NTRK2: variants seen among roughly 807,000 people sequenced by gnomAD.
The protein encoded by NTRK2 is BDNF/NT-3 growth factors receptor.
A neutral mutation model predicts 94.5 loss-of-function variants in NTRK2; 13 were observed. The ratio of observed to expected loss-of-function variants is 0.14; its 90% confidence interval spans 0.09 to 0.22. The LOEUF (loss-of-function observed/expected upper bound fraction) is 0.22, where lower values mean the gene tolerates loss of function less well. Ranked by LOEUF, NTRK2 falls within the 10% of genes least tolerant of loss-of-function variation. The probability of loss-of-function intolerance (pLI) is 1.00; values close to 1 mark genes in which losing one functional copy is unlikely to be tolerated. For missense variants in NTRK2, 639 were observed against 1,071.2 expected (o/e 0.60, Z 5.63); for synonymous variants, 372 against 407.4 (o/e 0.91, Z 1.05).
rs572641941 is a variant in NTRK2, at chr9:85,024,483, G to T, written c.*3046G>T. The T allele has an allele frequency of 2.1e-5, 5 of 232,782 alleles. No individual in the cohort carries two copies. Among genetic ancestry groups the T allele is most frequent in the Non-Finnish European group, 4.2e-5 (5 of 117,850 alleles). 14.4% of individuals were successfully genotyped at this position (232,782 alleles called of 1,614,324 possible). On this transcript the variant is annotated 3_prime_UTR_variant, in exon 19 of 19. Coordinates refer to ENST00000277120, the MANE Select transcript of NTRK2 (RefSeq NM_006180.6). ...TGTGTTAGCAAATTATTCCTATTTT[G>T]TGTAGATGAGGACGTTGAGACTCAG... is the stretch of plus-strand genomic sequence containing the variant.
intron 12 of NTRK2, among the ~76,000 whole-genome samples, chr9:84,778,400 T>C (rs1237000883): frequency 1.3e-5 from 2 of 152,232 alleles, no homozygotes; most frequent in African/African-American, 4.8e-5. Context: ...TGATTGTCAC[T>C]GATATTTTTA....
intron 6 of NTRK2, among the ~76,000 whole-genome samples, chr9:84,717,814 TTGAAA>T (rs2061797518): frequency 6.6e-6 from 1 of 152,186 alleles, no homozygotes; most frequent in South Asian, 2.1e-4. Flanking sequence ...GTCAAATTGC[TTGAAA>T]TGAAAATAAA....
Position 84,955,340 on chromosome 9 carries a change from G to C in NTRK2, c.1995G>C (p.Thr665=), listed in dbSNP as rs373618229. Residue 665 remains threonine, a synonymous_variant, in exon 17 of 19, where the codon ACG becomes ACC. Transcript: ENST00000277120. ...MAEGNPPTEL[T]QSQMLHIAQQ... ...AGGGCAACCCGCCCACGGAACTGAC[G>C]CAGTCGCAGATGCTGCATATAGCCC... is the stretch of plus-strand genomic sequence containing the variant. The C allele has an allele frequency of 6.2e-7, 1 of 1,612,522 alleles. No homozygotes were observed. The highest frequency in any genetic ancestry group is 8.5e-7 in the Non-Finnish European group (1 of 1,179,276).
At chr9:84,994,082 G>GTAACTAA (rs1829432860) in intron 17 of NTRK2, among the ~76,000 whole-genome samples, 21 of 152,086 alleles carry the variant, frequency 1.4e-4, no homozygotes, top group Admixed American at 1.4e-3. Flanking sequence ...AGCCACTAAA[G>GTAACTAA]GGTTACTTCC....
At chr9:84,923,414 A>C (rs2077633749) in intron 14 of NTRK2, among the ~76,000 whole-genome samples, 1 of 152,186 alleles carries the variant, frequency 6.6e-6, no homozygotes, top group Admixed American at 6.5e-5. Flanking sequence ...TGCCATCATT[A>C]GAGTATGTGC....
chr9:84,917,597 A>C (rs1230080816), intron 14 of NTRK2, among the ~76,000 whole-genome samples: 1 of 152,134 alleles, frequency 6.6e-6, no homozygotes, highest in African/African-American at 2.4e-5. Flanking sequence ...TGGTTGTATA[A>C]TTGCTGTTGA....
At chr9:84,717,568 T>C (rs2061779768) in intron 6 of NTRK2, among the ~76,000 whole-genome samples, 1 of 152,212 alleles carries the variant, frequency 6.6e-6, no homozygotes, top group South Asian at 2.1e-4. Context: ...TGACTAGCTA[T>C]TTAGTCATAA....
intron 4 of NTRK2, among the ~76,000 whole-genome samples, chr9:84,704,636 A>G (rs2060935143): frequency 6.6e-6 from 1 of 152,206 alleles, no homozygotes; most frequent in Non-Finnish European, 1.5e-5. Context: ...CATATCTTAC[A>G]GTTTTCTGAA....
At chr9:84,864,270 C>A (rs116992518) in intron 13 of NTRK2, among the ~76,000 whole-genome samples, 3 of 151,968 alleles carry the variant, frequency 2.0e-5, no homozygotes, top group African/African-American at 2.4e-5. Context: ...ATTGCTGGAT[C>A]TCTGACAGCA....
At chr9:84,882,762 T>C (rs2076300310) in intron 14 of NTRK2, among the ~76,000 whole-genome samples, 1 of 151,590 alleles carries the variant, frequency 6.6e-6, no homozygotes, top group East Asian at 1.9e-4. Flanking sequence ...CTAGAAATAC[T>C]TTCTTTTATT....
At chr9:84,689,171 G>C (rs1339918296) in intron 2 of NTRK2, among the ~76,000 whole-genome samples, 1 of 152,252 alleles carries the variant, frequency 6.6e-6, no homozygotes, top group Non-Finnish European at 1.5e-5. Context: ...TACTCTGTGA[G>C]GTTGGGAGGA....
intron 11 of NTRK2, among the ~76,000 whole-genome samples, chr9:84,748,369 C>T (rs551201357): frequency 6.6e-6 from 1 of 152,354 alleles, no homozygotes; most frequent in Non-Finnish European, 1.5e-5. Context: ...TATTTGTTTA[C>T]AGATCCTTAG....
rs150334314 is a variant in NTRK2, at chr9:84,920,682, G to T, written c.1634-13480G>T. On this transcript the variant is annotated intron_variant, in intron 14 of 18. Coordinates refer to ENST00000277120, the MANE Select transcript of NTRK2 (RefSeq NM_006180.6). ...GCCCCCATCTCCCTTCCAGAAATCCGTTGAAAAATCTCATCCATTAGGACT... is the reference window on the plus strand; with the variant it reads ...GCCCCCATCTCCCTTCCAGAAATCCTTTGAAAAATCTCATCCATTAGGACT... 4.6e-5 allele frequency among the ~76,000 whole-genome samples: 7 copies of T among 152,120 alleles called. No homozygotes were observed. The South Asian group carries it at 1.2e-3, about 27-fold the overall frequency.
chr9:84,787,821 A>T (rs1346189874), intron 12 of NTRK2, among the ~76,000 whole-genome samples: 1 of 152,190 alleles, frequency 6.6e-6, no homozygotes, highest in Non-Finnish European at 1.5e-5. Context: ...GGTGGGCAAT[A>T]TAGTGTATGG....
At chr9:84,882,916 A>G (rs2076306002) in intron 14 of NTRK2, among the ~76,000 whole-genome samples, 1 of 151,938 alleles carries the variant, frequency 6.6e-6, no homozygotes, top group Non-Finnish European at 1.5e-5. Context: ...GACAGGCACT[A>G]CCACACCCGG....
chr9:84,672,319 G>A (rs989062794), intron 2 of NTRK2, among the ~76,000 whole-genome samples: 1 of 152,296 alleles, frequency 6.6e-6, no homozygotes, highest in South Asian at 2.1e-4. Flanking sequence ...CCAACTGTCG[G>A]GCTGAGTCCA....
At position 84,767,181 on chromosome 9, in the gene NTRK2, A is replaced by G. The variant is rs555001477; in HGVS notation, c.1396+15096A>G. On this transcript the variant is annotated intron_variant, in intron 12 of 18. Coordinates refer to ENST00000277120, the MANE Select transcript of NTRK2 (RefSeq NM_006180.6). ...TTATATCATTAATTGCAAGGCTAAT[A>G]TAATTTGAGTAAAATTTTCTCTTCT... Among the ~76,000 whole-genome samples the G allele has an allele frequency of 3.3e-4, 51 of 152,352 alleles. No homozygotes were observed. In the South Asian group the frequency reaches 0.01, roughly 30 times the overall value.
At chr9:84,693,522 G>A (rs1162138166) in intron 2 of NTRK2, among the ~76,000 whole-genome samples, 1 of 152,026 alleles carries the variant, frequency 6.6e-6, no homozygotes, top group East Asian at 1.9e-4. Flanking sequence ...TTTATGTATT[G>A]AAGAGATGTG....
At chr9:84,691,885 C>T (rs1471690764) in intron 2 of NTRK2, among the ~76,000 whole-genome samples, 1 of 152,164 alleles carries the variant, frequency 6.6e-6, no homozygotes. Flanking sequence ...AGATGGTCCT[C>T]TTGTGAGCCT....
Sources: allele counts gnomAD v4.1 joint callset (sites outside exome capture counted in the v4.1 genomes callset), GRCh38; gene constraint gnomAD v4.1.1; transcripts MANE v1.5; gene names NCBI Gene and HGNC (gene_info 2026-07-23, HGNC 2026-07-21).